Variants in CCSER1 observed in about 807,000 individuals in gnomAD.
CCSER1 encodes serine-rich coiled-coil domain-containing protein 1.
CCSER1 carries 41 observed loss-of-function variants against 82.0 expected under a neutral mutation model. That is an observed-to-expected ratio of 0.50 (90% CI 0.39 to 0.65). CCSER1 has a LOEUF of 0.65. CCSER1 is among the 30% of genes least tolerant of loss of function. The probability of loss-of-function intolerance (pLI) is 0.00; values close to 1 mark genes in which losing one functional copy is unlikely to be tolerated. For synonymous variants in CCSER1, 414 were observed against 383.9 expected (o/e 1.08, Z -0.92); for missense variants, 1,119 against 1,064.2 (o/e 1.05, Z -0.72).
chr4:91,454,725 C>G (rs956652135), intron 10 of CCSER1, among the ~76,000 whole-genome samples: 4 of 151,770 alleles, frequency 2.6e-5, no homozygotes, highest in East Asian at 1.9e-4. Flanking sequence ...ACAGTTTATT[C>G]AAGAGTCTAT....
chr4:91,377,604 T>C (rs567603443), intron 10 of CCSER1, among the ~76,000 whole-genome samples: 42 of 152,350 alleles, frequency 2.8e-4, no homozygotes, highest in African/African-American at 1.0e-3. Flanking sequence ...TTGTTTGTTT[T>C]TTTCTTGTAA....
chr4:91,280,357 G>A (rs1742822556), intron 10 of CCSER1, among the ~76,000 whole-genome samples: 1 of 152,194 alleles, frequency 6.6e-6, no homozygotes, highest in Non-Finnish European at 1.5e-5. Context: ...ACAATCATCT[G>A]GCCCCCAAGA....
At chr4:90,302,864 A>G (rs1294827053) in intron 1 of CCSER1, among the ~76,000 whole-genome samples, 1 of 152,070 alleles carries the variant, frequency 6.6e-6, no homozygotes, top group Non-Finnish European at 1.5e-5. Flanking sequence ...GGAAAGAAAG[A>G]TAAGAAAATG....
intron 1 of CCSER1, among the ~76,000 whole-genome samples, chr4:90,146,805 G>T (rs575085016): frequency 6.6e-6 from 1 of 151,926 alleles, no homozygotes; most frequent in East Asian, 1.9e-4. Context: ...TACTTTGACC[G>T]GGCTGTTATG....
Position 90,759,038 on chromosome 4 carries a change from G to A in CCSER1, c.2010+35047G>A, listed in dbSNP as rs531419477. 6.6e-5 allele frequency among the ~76,000 whole-genome samples: 10 copies of A among 152,110 alleles called. No homozygotes were observed. In the East Asian group the frequency reaches 1.9e-3, roughly 29 times the overall value. On this transcript the variant is annotated intron_variant, in intron 7 of 10. Coordinates refer to ENST00000509176, the MANE Select transcript of CCSER1 (RefSeq NM_001145065.2). ...AAACCTCCCTTTTGTCTTCTTACTG[G>A]AACATCTTGCACCTCCTTCTAAGCC...
intron 5 of CCSER1, among the ~76,000 whole-genome samples, chr4:90,593,701 G>T (rs570200969): frequency 1.2e-4 from 18 of 151,798 alleles, no homozygotes; most frequent in African/African-American, 3.9e-4. Context: ...ATTTTCCCTG[G>T]GTGTTATATT....
chr4:90,669,909 G>A (rs1175649295), intron 6 of CCSER1, among the ~76,000 whole-genome samples: 3 of 152,012 alleles, frequency 2.0e-5, no homozygotes, highest in Non-Finnish European at 2.9e-5. Context: ...TAATAATATG[G>A]CTTTTTTGAA....
intron 9 of CCSER1, among the ~76,000 whole-genome samples, chr4:91,039,639 T>C (rs1278845633): frequency 6.6e-6 from 1 of 152,068 alleles, no homozygotes; most frequent in Admixed American, 6.6e-5. Context: ...GTATGTGTGT[T>C]TATATACATA....
chr4:90,221,152 G>A (rs1475678963), intron 1 of CCSER1, among the ~76,000 whole-genome samples: 1 of 152,044 alleles, frequency 6.6e-6, no homozygotes, highest in Non-Finnish European at 1.5e-5. Flanking sequence ...TGGGAAACAG[G>A]CAATAGAATA....
intron 7 of CCSER1, among the ~76,000 whole-genome samples, chr4:90,769,740 GA>G (rs1260718542): frequency 1.3e-5 from 2 of 152,304 alleles, no homozygotes; most frequent in African/African-American, 2.4e-5. Context: ...GGCTGAACCT[GA>G]TTCAGATGAC....
chr4:91,549,300 A>C (rs909948035), intron 10 of CCSER1, among the ~76,000 whole-genome samples: 2 of 151,982 alleles, frequency 1.3e-5, no homozygotes, highest in African/African-American at 4.8e-5. Context: ...TAGCATATTA[A>C]TCATAGTTTT....
At position 91,384,099 on chromosome 4, in the gene CCSER1, A is replaced by G. The variant is rs150365231; in HGVS notation, c.2218-214473A>G. On this transcript the variant is annotated intron_variant, in intron 10 of 10. Transcript: ENST00000509176. ...TTTTTTGTGAATGTTTCCAACTACT[A>G]TATAATGGATGTTTGCCCTAAATAT... is the stretch of plus-strand genomic sequence containing the variant. Among the ~76,000 whole-genome samples the G allele has an allele frequency of 7.1e-3, 1,085 of 152,194 alleles. 9 individuals carry two copies. Among genetic ancestry groups the G allele is most frequent in the African/African-American group, 0.024 (994 of 41,534 alleles).
chr4:91,506,759 C>A (rs1292883496), intron 10 of CCSER1, among the ~76,000 whole-genome samples: 1 of 152,092 alleles, frequency 6.6e-6, no homozygotes, highest in East Asian at 1.9e-4. Flanking sequence ...GCAACCATTA[C>A]CATTGCCTAA....
At chr4:90,407,802 T>C (rs180995924) in intron 4 of CCSER1, among the ~76,000 whole-genome samples, 1,541 of 152,158 alleles carry the variant, frequency 0.01, 17 homozygotes, top group South Asian at 0.03. Context: ...ACAGTGGGTG[T>C]GGCGCACCCT....
chr4:91,383,933 C>T (rs1383942771), intron 10 of CCSER1, among the ~76,000 whole-genome samples: 1 of 152,020 alleles, frequency 6.6e-6, no homozygotes, highest in Non-Finnish European at 1.5e-5. Flanking sequence ...CAGCAATAGA[C>T]TTAATTTTAA....
At chr4:90,767,310 T>C (rs1157642937) in intron 7 of CCSER1, among the ~76,000 whole-genome samples, 1 of 152,100 alleles carries the variant, frequency 6.6e-6, no homozygotes, top group Non-Finnish European at 1.5e-5. Flanking sequence ...AGAGCAATTT[T>C]TTTTTTCATG....
At chr4:90,282,528 A>G (rs1032673001) in intron 1 of CCSER1, among the ~76,000 whole-genome samples, 3 of 151,646 alleles carry the variant, frequency 2.0e-5, no homozygotes, top group Non-Finnish European at 4.4e-5. Flanking sequence ...TAACTTGTTG[A>G]CACTGTTTCT....
At chr4:91,137,075 T>G (rs1055127101) in intron 10 of CCSER1, among the ~76,000 whole-genome samples, 12 of 149,648 alleles carry the variant, frequency 8.0e-5, no homozygotes, top group Admixed American at 2.7e-4. Context: ...GTTAGTTACA[T>G]ATGTATACAT....
intron 7 of CCSER1, among the ~76,000 whole-genome samples, chr4:90,774,030 G>T (rs980189588): frequency 1.3e-5 from 2 of 152,072 alleles, no homozygotes; most frequent in East Asian, 1.9e-4. Context: ...TATAAATACT[G>T]TAAGTGCCTT....
Sources: gnomAD v4.1 joint callset for allele counts (sites outside exome capture counted in the v4.1 genomes callset) on GRCh38, gnomAD v4.1.1 for gene constraint, MANE v1.5 for transcripts, NCBI Gene and HGNC (gene_info 2026-07-23, HGNC 2026-07-21) for gene names.